Variants in OR56A3 observed in about 807,000 individuals in gnomAD.
OR56A3 encodes olfactory receptor 56A3.
A neutral mutation model predicts 17.5 loss-of-function variants in OR56A3; 23 were observed. The ratio of observed to expected loss-of-function variants is 1.32; its 90% CI spans 0.95 to 1.87. The LOEUF (loss-of-function observed/expected upper bound fraction) is 1.87, where lower values mean the gene tolerates loss of function less well. OR56A3 is among the 40% of genes most tolerant of loss of function. The pLI, the probability that OR56A3 is intolerant of heterozygous loss-of-function variation, is 0.00. For synonymous variants in OR56A3, 175 were observed against 150.6 expected, an observed-to-expected ratio of 1.16 and a Z score of -1.19; for missense variants, 366 against 380.1, an observed-to-expected ratio of 0.96 and a Z score of 0.31.
intron 1 of OR56A3, among the ~76,000 whole-genome samples, chr11:5,944,503 C>G (rs139875596): frequency 6.6e-6 from 1 of 152,130 alleles, no homozygotes; most frequent in South Asian, 2.1e-4. Flanking sequence ...AAAACAAAAT[C>G]CCAAATAACA....
chr11:6,012,153 G>A, the OR56A3 span, among the ~76,000 whole-genome samples: 4 of 152,206 alleles, frequency 2.6e-5, no homozygotes, highest in Non-Finnish European at 5.9e-5. Flanking sequence ...AGCAGGTCCC[G>A]AGATTTTGTC....
chr11:5,986,211 G>A, the OR56A3 span: 2 of 1,613,806 alleles, frequency 1.2e-6, no homozygotes, highest in Non-Finnish European at 8.5e-7. Context: ...GCACTGCCTG[G>A]AGGATGTGGG....
chr11:6,009,428 T>G, the OR56A3 span, among the ~76,000 whole-genome samples: 1 of 152,240 alleles, frequency 6.6e-6, no homozygotes, highest in Non-Finnish European at 1.5e-5. Context: ...CAAGCAGCTT[T>G]TATAGTGATG....
At chr11:5,998,895 T>G in the OR56A3 span, among the ~76,000 whole-genome samples, 1 of 152,164 alleles carries the variant, frequency 6.6e-6, no homozygotes, top group Non-Finnish European at 1.5e-5. Flanking sequence ...TGTCATGCTC[T>G]CTCAAACATA....
the OR56A3 span, among the ~76,000 whole-genome samples, chr11:6,010,619 G>C: frequency 6.6e-6 from 1 of 152,176 alleles, no homozygotes; most frequent in African/African-American, 2.4e-5. Context: ...CTACCCATCA[G>C]AAGTGTGAGA....
chr11:5,991,112 A>G, the OR56A3 span, among the ~76,000 whole-genome samples: 1 of 152,262 alleles, frequency 6.6e-6, no homozygotes, highest in Non-Finnish European at 1.5e-5. Flanking sequence ...CATCAAATGC[A>G]TCCCTCAAGG....
chr11:6,008,159 A>G, the OR56A3 span, among the ~76,000 whole-genome samples: 2 of 152,196 alleles, frequency 1.3e-5, no homozygotes, highest in Non-Finnish European at 2.9e-5. Flanking sequence ...TTTGGGCATA[A>G]GAATCTTAGA....
At chr11:5,995,001 G>C in the OR56A3 span, 1 of 674,380 alleles carries the variant, frequency 1.5e-6, no homozygotes, top group Non-Finnish European at 2.7e-6. Context: ...CCACCTGGAA[G>C]CTGGTGGACC....
chr11:6,017,321 C>G, the OR56A3 span, among the ~76,000 whole-genome samples: 11 of 152,060 alleles, frequency 7.2e-5, no homozygotes, highest in Non-Finnish European at 1.6e-4. Flanking sequence ...CTCAAATATT[C>G]TCAAATAAAT....
the OR56A3 span, among the ~76,000 whole-genome samples, chr11:5,972,317 T>C: frequency 6.6e-6 from 1 of 152,180 alleles, no homozygotes; most frequent in Non-Finnish European, 1.5e-5. Context: ...TAAATCTTCA[T>C]GCATTCGGTA....
chr11:5,986,657 C>T, the OR56A3 span: 2 of 1,613,860 alleles, frequency 1.2e-6, no homozygotes, highest in South Asian at 2.2e-5. Context: ...GTGGAGGAGG[C>T]CAGAACCAGG....
chr11:5,983,860 T>C, the OR56A3 span, among the ~76,000 whole-genome samples: 4 of 148,826 alleles, frequency 2.7e-5, no homozygotes, highest in Non-Finnish European at 6.0e-5. Context: ...TATGTAAGGA[T>C]GGTAGTAAAC....
chr11:5,966,025 G>A, the OR56A3 span, among the ~76,000 whole-genome samples: 1 of 152,074 alleles, frequency 6.6e-6, no homozygotes, highest in Non-Finnish European at 1.5e-5. Flanking sequence ...AGTTGAGAAG[G>A]AGGGAAGATA....
At chr11:6,003,117 C>G in the OR56A3 span, 1 of 1,586,008 alleles carries the variant, frequency 6.3e-7, no homozygotes, top group Non-Finnish European at 8.6e-7. Context: ...CTGTATCTGT[C>G]CCAATAAAGT....
At chr11:5,943,341 G>A (rs1304340447) in intron 1 of OR56A3, 1 of 151,868 alleles carries the variant, frequency 6.6e-6, no homozygotes, top group African/African-American at 2.4e-5. Flanking sequence ...CTTCTCTATG[G>A]ATACTCATGC....
At chr11:5,954,437 G>A (rs927601775), downstream of OR56A3, among the ~76,000 whole-genome samples, 7 of 152,260 alleles carry the variant, frequency 4.6e-5, no homozygotes, top group South Asian at 6.2e-4. Flanking sequence ...AGGTGGTTGA[G>A]TCCTGGGGAG....
chr11:5,989,238 A>G, the OR56A3 span, among the ~76,000 whole-genome samples: 3 of 152,140 alleles, frequency 2.0e-5, no homozygotes, highest in East Asian at 1.9e-4. Flanking sequence ...TTTTTTGCCT[A>G]CCTCCTTCTG....
chr11:6,008,659 A>G, the OR56A3 span, among the ~76,000 whole-genome samples: 3 of 151,894 alleles, frequency 2.0e-5, no homozygotes, highest in East Asian at 1.9e-4. Flanking sequence ...CTTTCAATAC[A>G]TGGTAGTTGC....
At chr11:6,005,938 A>C in the OR56A3 span, among the ~76,000 whole-genome samples, 1 of 152,246 alleles carries the variant, frequency 6.6e-6, no homozygotes. Flanking sequence ...CATAGCAGAT[A>C]GGTCAAAGGC....
Sources: gnomAD v4.1 joint callset for allele counts (sites outside exome capture counted in the v4.1 genomes callset) on GRCh38, gnomAD v4.1.1 for gene constraint, MANE v1.5 for transcripts, NCBI Gene and HGNC (gene_info 2026-07-23, HGNC 2026-07-21) for gene names.